SPAG16: variants seen among roughly 807,000 people sequenced by gnomAD.
The protein encoded by SPAG16 is sperm associated antigen 16, also known as sperm-associated antigen 16 protein.
SPAG16 carries 86 observed loss-of-function variants against 80.4 expected under a neutral mutation model. The ratio of observed to expected loss-of-function variants is 1.07; its 90% CI spans 0.90 to 1.28. SPAG16 has a LOEUF of 1.28. SPAG16 is among the 50% of genes most tolerant of loss of function. The probability of loss-of-function intolerance (pLI) is 0.00; values close to 1 mark genes in which losing one functional copy is unlikely to be tolerated. For synonymous variants in SPAG16, 294 were observed against 265.9 expected, an observed-to-expected ratio of 1.11 and a Z score of -1.03; for missense variants, 870 against 765.3, an observed-to-expected ratio of 1.14 and a Z score of -1.61.
intron 10 of SPAG16, among the ~76,000 whole-genome samples, chr2:213,616,680 A>G (rs1574506075): frequency 6.6e-6 from 1 of 152,112 alleles, no homozygotes; most frequent in Admixed American, 6.5e-5. Flanking sequence ...AGAGTTCCTA[A>G]TGGGCCTGTT....
chr2:213,493,734 C>T (rs1310595215), intron 10 of SPAG16, among the ~76,000 whole-genome samples: 3 of 152,274 alleles, frequency 2.0e-5, no homozygotes, highest in Admixed American at 6.5e-5. Context: ...TGCCACCACA[C>T]TTGGCTAATT....
At position 213,527,494 on chromosome 2, in the gene SPAG16, G is replaced by A. The variant is rs555708252; in HGVS notation, c.1070+37404G>A. Reference sequence around the variant, plus strand: ...GAGGAATTTAGCATCTTCATTTAATGTATTCTTTAAATCACAACTTCTGAT... The same window carrying A: ...GAGGAATTTAGCATCTTCATTTAATATATTCTTTAAATCACAACTTCTGAT... On this transcript the variant is annotated intron_variant, in intron 10 of 15. Coordinates refer to ENST00000331683, the MANE Select transcript of SPAG16 (RefSeq NM_024532.5). Among the ~76,000 whole-genome samples, 132 of 152,170 alleles carry A rather than the reference G, an allele frequency of 8.7e-4. 1 individual carries two copies. The highest frequency in any genetic ancestry group is 1.4e-3 in the Admixed American group (22 of 15,272).
chr2:214,179,893 A>C (rs2057255746), intron 15 of SPAG16, among the ~76,000 whole-genome samples: 1 of 151,576 alleles, frequency 6.6e-6, no homozygotes, highest in Admixed American at 6.6e-5. Context: ...GTTTATATGT[A>C]ATATTATGTT....
rs375766372 is a variant in SPAG16 at position 213,406,777 on chromosome 2, T to C, written c.942+31658T>C. Among the ~76,000 whole-genome samples the C allele has an allele frequency of 5.9e-5, 9 of 151,974 alleles. No homozygotes were observed. In the South Asian group the frequency reaches 8.3e-4, roughly 14 times the overall value. ...TTTTGTGGCACCAAAACTTTATATA[T>C]AACAATTTGGGGTCTCTCCCGGGAT... is the stretch of plus-strand genomic sequence containing the variant. On this transcript the variant is annotated intron_variant, in intron 9 of 15. Transcript: ENST00000331683.
chr2:213,945,167 T>G (rs1410927378), intron 12 of SPAG16, among the ~76,000 whole-genome samples: 1 of 151,282 alleles, frequency 6.6e-6, no homozygotes, highest in South Asian at 2.1e-4. Context: ...TATATATGTG[T>G]GTGTATATAT....
intron 14 of SPAG16, among the ~76,000 whole-genome samples, chr2:214,135,748 T>TCTCTCTCTCA (rs2055019361): frequency 1.3e-5 from 2 of 151,470 alleles, no homozygotes; most frequent in East Asian, 3.9e-4. Context: ...TCTCTCTCTC[T>TCTCTCTCTCA]CACTCTTGCT....
chr2:213,370,673 T>A (rs957739073), intron 8 of SPAG16, among the ~76,000 whole-genome samples: 1 of 152,222 alleles, frequency 6.6e-6, no homozygotes, highest in Non-Finnish European at 1.5e-5. Flanking sequence ...TGGTTTAAAT[T>A]TTATATATTT....
At chr2:213,358,578 C>T (rs1193756232) in intron 7 of SPAG16, among the ~76,000 whole-genome samples, 6 of 152,118 alleles carry the variant, frequency 3.9e-5, no homozygotes, top group Non-Finnish European at 8.8e-5. Flanking sequence ...TGCATCACAA[C>T]GTTTTCGTGC....
intron 9 of SPAG16, among the ~76,000 whole-genome samples, chr2:213,435,751 A>C (rs897700083): frequency 6.6e-6 from 1 of 152,192 alleles, no homozygotes; most frequent in South Asian, 2.1e-4. Context: ...AAACAATCTG[A>C]ACTCACTTTA....
Position 213,300,273 on chromosome 2 carries a change from CCTT to C in SPAG16, c.279+2917_279+2919del, listed in dbSNP as rs963681014. On this transcript the variant is annotated intron_variant, in intron 3 of 15. Coordinates refer to ENST00000331683, the MANE Select transcript of SPAG16 (RefSeq NM_024532.5). Reference sequence around the variant, plus strand: ...TCTTTCTTCTCCCTTCCCTCCTCCTCCTTTTCTTCCTCTTCCTCCTGAGAATTT... The same window carrying C: ...TCTTTCTTCTCCCTTCCCTCCTCCTCTTCTTCCTCTTCCTCCTGAGAATTT... Among the ~76,000 whole-genome samples, 13 of 152,266 alleles carry C rather than the reference CCTT, an allele frequency of 8.5e-5. No homozygotes were observed. The East Asian group carries it at 1.7e-3, about 20-fold the overall frequency.
At chr2:213,514,219 T>G (rs1187538692) in intron 10 of SPAG16, among the ~76,000 whole-genome samples, 1 of 152,154 alleles carries the variant, frequency 6.6e-6, no homozygotes, top group Non-Finnish European at 1.5e-5. Flanking sequence ...TCTCACATTA[T>G]GGTTTATGGA....
chr2:213,782,430 T>C (rs1362122635), intron 10 of SPAG16, among the ~76,000 whole-genome samples: 1 of 152,194 alleles, frequency 6.6e-6, no homozygotes, highest in African/African-American at 2.4e-5. Flanking sequence ...ATAATAGTCG[T>C]ATAGATATGT....
In SPAG16 at chr2:213,322,342, AAAAAAAAAAAAAAAC is replaced by A. The variant is rs1466372309; in HGVS notation, c.536+4993_536+5007del. ...CCATAGTGTAGACAATGCAAAAAAA[AAAAAAAAAAAAAAAC>A]AAAAAACTCGTTTGGGTGATTGATT... On this transcript the variant is annotated intron_variant, in intron 5 of 15. Coordinates refer to ENST00000331683, the MANE Select transcript of SPAG16 (RefSeq NM_024532.5). 3.0e-3 allele frequency among the ~76,000 whole-genome samples: 340 copies of A among 115,134 alleles called. 1 individual carries two copies. Among genetic ancestry groups the A allele is most frequent in the African/African-American group, 8.4e-3 (272 of 32,268 alleles). The allele number at this position is 115,134 out of a possible 152,430, so 75.5% of individuals were successfully genotyped here.
intron 9 of SPAG16, among the ~76,000 whole-genome samples, chr2:213,476,699 G>A (rs1329963922): frequency 1.3e-5 from 2 of 152,176 alleles, no homozygotes; most frequent in Admixed American, 1.3e-4. Flanking sequence ...GGCACCCAGT[G>A]GCTTCTTCAC....
At chr2:214,308,754 C>T (rs1695095259) in intron 15 of SPAG16, among the ~76,000 whole-genome samples, 1 of 151,896 alleles carries the variant, frequency 6.6e-6, no homozygotes, top group Admixed American at 6.6e-5. Flanking sequence ...GCTGAGATGT[C>T]CATTATTAGT....
chr2:213,719,096 C>T (rs913967211), intron 10 of SPAG16, among the ~76,000 whole-genome samples: 7 of 151,838 alleles, frequency 4.6e-5, no homozygotes, highest in Non-Finnish European at 2.9e-5. Flanking sequence ...ACGTGGAGAA[C>T]CTTTATGTCT....
At chr2:214,081,837 A>AT (rs35141566) in intron 13 of SPAG16, among the ~76,000 whole-genome samples, 95,085 of 148,970 alleles carry the variant, frequency 0.64, 31,285 homozygotes, top group Non-Finnish European at 0.72. Context: ...TACTCATTGT[A>AT]TTTTTTTTTT....
intron 11 of SPAG16, among the ~76,000 whole-genome samples, chr2:213,864,733 A>G (rs748815875): frequency 5.9e-5 from 9 of 152,050 alleles, no homozygotes; most frequent in African/African-American, 2.2e-4. Context: ...CAGGCACTCT[A>G]TCTTCTGCAA....
chr2:213,499,431 A>G (rs900776672), intron 10 of SPAG16, among the ~76,000 whole-genome samples: 1 of 152,168 alleles, frequency 6.6e-6, no homozygotes, highest in African/African-American at 2.4e-5. Flanking sequence ...GTCACTATGA[A>G]TAGTCCCTGA....
Sources: gnomAD v4.1 joint callset for allele counts (sites outside exome capture counted in the v4.1 genomes callset) on GRCh38, gnomAD v4.1.1 for gene constraint, MANE v1.5 for transcripts, NCBI Gene and HGNC (gene_info 2026-07-23, HGNC 2026-07-21) for gene names.